The following MUC5B variants were observed in gnomAD, a reference collection of about 807,000 sequenced individuals.
MUC5B encodes the protein mucin-5B.
In MUC5B, 116 loss-of-function variants were observed where a neutral mutation model predicts 376.9. The observed-to-expected ratio is 0.31, with a 90% CI of 0.26 to 0.36. The LOEUF (loss-of-function observed/expected upper bound fraction) is 0.36. MUC5B is among the 10% of genes least tolerant of loss of function. MUC5B has a pLI of 1.00. For synonymous variants in MUC5B, 3,517 were observed against 3,390.9 expected (o/e 1.04, Z -1.29); for missense variants, 7,165 against 7,769.9 (o/e 0.92, Z 2.93).
In MUC5B at chr11:1,227,729, C is replaced by T. The variant is rs1291029210; in HGVS notation, c.722C>T (p.Thr241Met). The change falls in exon 7 of 49, where the codon ACG (threonine) becomes ATG (methionine). Residue 241 changes from threonine to methionine, a missense_variant. Thr to Met is a moderately conservative substitution (Grantham distance 81). Around this residue, in one of 31 missense-constraint regions of MUC5B, gnomAD observed 640 missense variants for 733.0 expected, o/e 0.87. Coordinates refer to ENST00000529681, the MANE Select transcript of MUC5B (RefSeq NM_002458.3). The part of the protein sequence containing the change: ...FGNLQKLDGP[T>M]EQCPDPLPLP... ...AACCTGCAGAAGTTGGATGGGCCCA[C>T]GGAGCAGTGCCCGGACCCGCTGCCC... 1.5e-5 allele frequency: 11 copies of T among 723,234 alleles called. No homozygotes were observed. In the East Asian group the frequency reaches 1.6e-4, roughly 10 times the overall value. The allele number at this position is 723,234 out of a possible 1,614,324, so 44.8% of individuals were successfully genotyped here. A position where few individuals can be genotyped will look rare whatever the true frequency, so the allele number is the denominator to read the frequency against.
rs1217585885 is a variant in MUC5B, at chr11:1,228,666, C to T, written c.877C>T (p.Arg293Cys). 2.4e-5 allele frequency: 37 copies of T among 1,534,290 alleles called. No individual in the cohort carries two copies. Among genetic ancestry groups the T allele is most frequent in the Middle Eastern group, 2.3e-4 (1 of 4,410 alleles). ...GGCCGCCTGCGCCCAGGACCTGTGC[C>T]GCTGCCCCACCTGCCCGTGTGCCAC... ...YLAACAQDLC[R>C]CPTCPCATFV... Residue 293 changes from arginine (R) to cysteine (C), a missense_variant, in exon 8 of 49, where the codon CGC becomes TGC. Arg to Cys is a radical substitution (Grantham distance 180, BLOSUM62 -3). This residue lies in a region of MUC5B where 640 missense variants were observed against 733.0 expected (regional missense o/e 0.87). Transcript: ENST00000529681.
chr11:1,242,974 G>A lies in MUC5B; in HGVS notation c.6094G>A (p.Ala2032Thr), dbSNP rs762333333. 6 of 1,612,818 alleles carry A rather than the reference G, an allele frequency of 3.7e-6. No individual in the cohort carries two copies. The Admixed American group carries it at 6.7e-5, about 18-fold the overall frequency. The change falls in exon 31 of 49, where the codon GCC becomes ACC. Residue 2032 changes from alanine to threonine, a missense_variant. Physicochemically the swap from Ala to Thr is moderately conservative, Grantham distance 58. This residue lies in a region of MUC5B where 897 missense variants were observed against 779.6 expected (regional missense o/e 1.15). Transcript: ENST00000529681. ...VLTATATTTG[A>T]TGSVATPSST... ...TACCGCCACGGCCACCACAACTGGG[G>A]CCACCGGCTCTGTGGCCACCCCCTC...
Position 1,246,443 on chromosome 11 carries a change from C to T in MUC5B, c.9563C>T (p.Ala3188Val). 6.2e-7 allele frequency: 1 copy of T among 1,613,270 alleles called. No homozygotes were observed. Among genetic ancestry groups the T allele is most frequent in the Non-Finnish European group, 8.5e-7 (1 of 1,179,682 alleles). Residue 3188 changes from alanine (A) to valine (V), a missense_variant, in exon 31 of 49, where the codon GCA (alanine) becomes GTA (valine). Ala to Val is a moderately conservative substitution (Grantham distance 64). Transcript: ENST00000529681. The stretch of plus-strand genomic sequence containing the variant: ...ACGGCCACCGCCTCCTCCACCCGGG[C>T]AACTGCTGGCACCCTCAAAGTGCTG... ...GSTATASSTR[A>V]TAGTLKVLTS...
chr11:1,242,757 A>G lies in MUC5B; in HGVS notation c.5877A>G (p.Pro1959=). ...CCAAAGCCACTCCCTCCTCCAGTCC[A>G]GGGACTGCAACCGCCCTTCCAGCAC... ...TSSKATPSSS[P]GTATALPALR... Residue 1959 remains proline, a synonymous_variant, in exon 31 of 49, where the codon CCA becomes CCG. Coordinates refer to ENST00000529681, the MANE Select transcript of MUC5B (RefSeq NM_002458.3). 1 of 1,613,050 alleles carries G rather than the reference A, an allele frequency of 6.2e-7. No homozygotes were observed. The highest frequency in any genetic ancestry group is 8.5e-7 in the Non-Finnish European group (1 of 1,179,494).
rs764507773 is a variant in MUC5B, at chr11:1,230,072, G to A, written c.1288G>A (p.Gly430Arg). ...PCPGTCSVQG[G>R]AHISTYDEKL... ...CCCTGGCACCTGCTCTGTGCAGGGCGGGGCCCACATCTCCACCTATGATGA... is the reference window on the plus strand; with the variant it reads ...CCCTGGCACCTGCTCTGTGCAGGGCAGGGCCCACATCTCCACCTATGATGA... The change falls in exon 11 of 49, where the codon GGG becomes AGG. Residue 430 changes from glycine (G) to arginine (R), a missense_variant. Physicochemically the swap from Gly to Arg is moderately radical, Grantham distance 125. Coordinates refer to ENST00000529681, the MANE Select transcript of MUC5B (RefSeq NM_002458.3). 20 of 1,611,894 alleles carry A rather than the reference G, an allele frequency of 1.2e-5. No individual in the cohort carries two copies. Among genetic ancestry groups the A allele is most frequent in the Middle Eastern group, 1.6e-4 (1 of 6,074 alleles).
In MUC5B at chr11:1,248,584, T is replaced by C; in HGVS notation, c.11704T>C (p.Ser3902Pro). The C allele has an allele frequency of 6.2e-7, 1 of 1,612,534 alleles. No homozygotes were observed. The highest frequency in any genetic ancestry group is 1.1e-5 in the South Asian group (1 of 91,016). ...STTTTPTTSG[S>P]TVTPSSVPGT... ...AACCACCACACCCACAACCAGTGGC[T>C]CCACGGTGACCCCCTCCTCCGTCCC... Residue 3902 changes from serine (S) to proline (P), a missense_variant, in exon 31 of 49, where the codon TCC (serine) becomes CCC (proline). Physicochemically the swap from Ser to Pro is moderately conservative, Grantham distance 74. Around this residue, in one of 31 missense-constraint regions of MUC5B, gnomAD observed 242 missense variants for 199.0 expected, o/e 1.22. Transcript: ENST00000529681.
At position 1,230,048 on chromosome 11, in the gene MUC5B, C is replaced by A. The variant is rs1861987235; in HGVS notation, c.1264C>A (p.Pro422Thr). ...GLWQCQDLPC[P>T]GTCSVQGGAH... The stretch of plus-strand genomic sequence containing the variant: ...ATGGCAGTGCCAGGACCTGCCGTGC[C>A]CTGGCACCTGCTCTGTGCAGGGCGG... The change falls in exon 11 of 49, where the codon CCT becomes ACT. Residue 422 changes from proline to threonine, a missense_variant. By Grantham distance (38) the Pro-to-Thr change is conservative (BLOSUM62 -1). Transcript: ENST00000529681. 6.2e-7 allele frequency: 1 copy of A among 1,610,452 alleles called. No individual in the cohort carries two copies. Among genetic ancestry groups the A allele is most frequent in the African/African-American group, 1.3e-5 (1 of 74,856 alleles).
Position 1,248,502 on chromosome 11 carries a change from A to G in MUC5B, c.11622A>G (p.Thr3874=). 4 of 1,611,846 alleles carry G rather than the reference A, an allele frequency of 2.5e-6. No homozygotes were observed. The highest frequency in any genetic ancestry group is 3.4e-6 in the Non-Finnish European group (4 of 1,178,932). The change falls in exon 31 of 49, where the codon ACA becomes ACG. Residue 3874 remains threonine (T), a synonymous_variant. Transcript: ENST00000529681. The part of the protein sequence containing the change: ...KVPTTTTTGF[T]VTPSSSPGTA... ...CGACTACCACAACCACGGGCTTCAC[A>G]GTCACCCCCTCCTCCAGCCCAGGGA...
In MUC5B at chr11:1,261,884, C is replaced by A. The variant is rs1226186076; in HGVS notation, c.*276C>A. The A allele has an allele frequency of 3.0e-6, 2 of 666,800 alleles. No homozygotes were observed. Among genetic ancestry groups the A allele is most frequent in the South Asian group, 1.5e-5 (1 of 66,424 alleles). The allele number at this position is 666,800 out of a possible 1,614,324, so 41.3% of individuals were successfully genotyped here. On this transcript the variant is annotated 3_prime_UTR_variant, in exon 49 of 49. Transcript: ENST00000529681. ...CCCTCCCTGATGTCACTGGGACGCC[C>A]TGGAACAAACTAAGCATGTGCGGGC...
At chr11:1,240,012 C>CA (rs1367150115) in intron 28 of MUC5B, 33 bp from the exon 29 acceptor site, 2 of 1,594,916 alleles carry the variant, frequency 1.3e-6, no homozygotes, top group African/African-American at 2.7e-5. Context: ...GGCTGCCCCC[C>CA]AGGCCCTCAG....
chr11:1,229,982 C>A, intron 10 of MUC5B, 23 bp from the exon 11 acceptor site: 1 of 1,575,460 alleles, frequency 6.3e-7, no homozygotes. Flanking sequence ...CATGCCGGTT[C>A]TGCTCACGGC....
chr11:1,228,367 TC>T (rs1382924888), intron 7 of MUC5B, among the ~76,000 whole-genome samples, 196 bp from the exon 8 acceptor site: 1 of 152,060 alleles, frequency 6.6e-6, no homozygotes, highest in African/African-American at 2.4e-5. Flanking sequence ...GAGTAGGGGA[TC>T]CCCGGTCACG....
rs773371718 is a variant in MUC5B at position 1,242,731 on chromosome 11, T to A, written c.5851T>A (p.Ser1951Thr). The A allele has an allele frequency of 9.9e-6, 16 of 1,611,554 alleles. No individual in the cohort carries two copies. Among genetic ancestry groups the A allele is most frequent in the Non-Finnish European group, 1.4e-5 (16 of 1,179,182 alleles). Residue 1951 changes from serine (S) to threonine (T), a missense_variant, in exon 31 of 49, where the codon TCC (serine) becomes ACC (threonine). Ser to Thr is a moderately conservative substitution (Grantham distance 58, BLOSUM62 1). This residue lies in a region of MUC5B where 897 missense variants were observed against 779.6 expected (regional missense o/e 1.15). Transcript: ENST00000529681. ...GGCCACCACACCCACAGTCACCAGC[T>A]CCAAAGCCACTCCCTCCTCCAGTCC... ...TTATTPTVTS[S>T]KATPSSSPGT... is the part of the protein sequence containing the mutation.
In MUC5B at chr11:1,257,133, A is replaced by C; in HGVS notation, c.16238-107A>C. ...CCCCAAAAGTTCTCCAGGGCCTTCC[A>C]TCCCGGGGGGAAGCAGGCTCCAGGC... On this transcript the variant is annotated intron_variant, in intron 39 of 48. Transcript: ENST00000529681. This position sits in a 1 kb window ranked among gnomAD's most constrained non-coding sequence, Gnocchi z 8.9. 1 of 751,010 alleles carries C rather than the reference A, an allele frequency of 1.3e-6. No homozygotes were observed. Among genetic ancestry groups the C allele is most frequent in the Non-Finnish European group, 2.5e-6 (1 of 402,468 alleles). 46.5% of individuals were successfully genotyped at this position (751,010 alleles called of 1,614,324 possible). A position where few individuals can be genotyped will look rare whatever the true frequency, so the allele number is the denominator to read the frequency against.
At chr11:1,239,081 G>C in intron 26 of MUC5B, 54 bp downstream of exon 26, 1 of 1,547,234 alleles carries the variant, frequency 6.5e-7, no homozygotes, top group Non-Finnish European at 8.7e-7. Context: ...GGGCAGGGGA[G>C]GAGGTGTGGC....
intron 38 of MUC5B, 51 bp downstream of exon 38, chr11:1,256,276 C>G (rs1018547065): frequency 2.8e-6 from 2 of 713,592 alleles, no homozygotes; most frequent in Non-Finnish European, 5.2e-6. Flanking sequence ...CCTGCCTGAC[C>G]GGTCTGGGGG....
Position 1,239,572 on chromosome 11 carries a change from G to A in MUC5B, c.3583+6G>A. On this transcript the variant is annotated splice_donor_region_variant and intron_variant, in intron 27 of 48. Transcript: ENST00000529681. Reference sequence around the variant, plus strand: ...GGACCTGCCTGGCCTGGAAGGTGAGGGGCAGCCTTTCTTGGATGGAGCCTC... The same window carrying A: ...GGACCTGCCTGGCCTGGAAGGTGAGAGGCAGCCTTTCTTGGATGGAGCCTC... The A allele has an allele frequency of 6.4e-7, 1 of 1,555,224 alleles. No individual in the cohort carries two copies. The highest frequency in any genetic ancestry group is 8.7e-7 in the Non-Finnish European group (1 of 1,147,638).
chr11:1,250,600 G>A lies in MUC5B; in HGVS notation c.13720G>A (p.Ala4574Thr). The A allele has an allele frequency of 1.2e-6, 2 of 1,613,186 alleles. No homozygotes were observed. The highest frequency in any genetic ancestry group is 1.7e-6 in the Non-Finnish European group (2 of 1,179,762). Residue 4574 changes from alanine (A) to threonine (T), a missense_variant, in exon 31 of 49, where the codon GCC (alanine) becomes ACC (threonine). This residue lies in a region of MUC5B where 730 missense variants were observed against 592.7 expected (regional missense o/e 1.23). Transcript: ENST00000529681. ...VLTATATTTG[A>T]TGSVATPSST... The stretch of plus-strand genomic sequence containing the variant: ...TACCGCCACGGCCACCACAACCGGG[G>A]CCACCGGCTCTGTGGCCACCCCCTC...
Position 1,242,412 on chromosome 11 carries a change from G to A in MUC5B, c.5532G>A (p.Gly1844=), listed in dbSNP as rs1377093473. 1.2e-6 allele frequency: 2 copies of A among 1,613,856 alleles called. No individual in the cohort carries two copies. The highest frequency in any genetic ancestry group is 1.6e-4 in the Middle Eastern group (1 of 6,062). ...NYPEVSIDQV[G]QVLTCSLETG... ...CCGAGGTAAGCATCGACCAGGTCGGGCAGGTGCTGACCTGCAGCCTGGAGA... is the reference window on the plus strand; with the variant it reads ...CCGAGGTAAGCATCGACCAGGTCGGACAGGTGCTGACCTGCAGCCTGGAGA... Residue 1844 remains glycine, a synonymous_variant, in exon 31 of 49, where the codon GGG becomes GGA. Coordinates refer to ENST00000529681, the MANE Select transcript of MUC5B (RefSeq NM_002458.3).
Sources: allele counts gnomAD v4.1 joint callset (sites outside exome capture counted in the v4.1 genomes callset), GRCh38; gene constraint gnomAD v4.1.1; regional missense constraint gnomAD v4.1.1; non-coding constraint Gnocchi (gnomAD v3.1); transcripts MANE v1.5; gene names NCBI Gene and HGNC (gene_info 2026-07-23, HGNC 2026-07-21).